TET1: variants seen among roughly 807,000 people sequenced by gnomAD.
The protein encoded by TET1 is methylcytosine dioxygenase TET1.
TET1 carries 13 observed loss-of-function variants against 148.7 expected under a neutral mutation model. The ratio of observed to expected loss-of-function variants is 0.09; its 90% confidence interval spans 0.06 to 0.14. The LOEUF is 0.14. Ranked by LOEUF, TET1 falls within the 10% of genes least tolerant of loss-of-function variation. The pLI is 1.00. For missense variants in TET1, 2,182 were observed against 2,553.8 expected, an observed-to-expected ratio of 0.85 and a Z score of 3.14; for synonymous variants, 907 against 937.2, an observed-to-expected ratio of 0.97 and a Z score of 0.59.
chr10:68,592,331 C>G (rs536502171), intron 2 of TET1, among the ~76,000 whole-genome samples: 1 of 140,302 alleles, frequency 7.1e-6, no homozygotes, highest in Admixed American at 6.8e-5. Context: ...AAAGAAAAAA[C>G]AAAAAACAAA....
At chr10:68,587,445 G>C (rs148406300) in intron 2 of TET1, among the ~76,000 whole-genome samples, 2 of 152,252 alleles carry the variant, frequency 1.3e-5, no homozygotes, top group African/African-American at 4.8e-5. Flanking sequence ...CAGAATTGCA[G>C]GGAGATTTGT....
chr10:68,638,765 T>TGTGTG, intron 3 of TET1, among the ~76,000 whole-genome samples: 1 of 140,912 alleles, frequency 7.1e-6, no homozygotes, highest in South Asian at 2.4e-4. Context: ...TGTATGGAGT[T>TGTGTG]TGTGTGTGTG....
chr10:68,632,438 A>C, intron 3 of TET1: 1 of 1,612,248 alleles, frequency 6.2e-7, no homozygotes, highest in East Asian at 2.2e-5. Context: ...GGATTTTTAG[A>C]TGTTGAAAAT....
chr10:68,602,624 A>G (rs1342199629), intron 3 of TET1, among the ~76,000 whole-genome samples: 1 of 152,204 alleles, frequency 6.6e-6, no homozygotes, highest in Non-Finnish European at 1.5e-5. Context: ...CCTGAAATAA[A>G]TGTAAAAAGT....
chr10:68,647,536 G>A (rs1392610250), intron 4 of TET1, among the ~76,000 whole-genome samples: 2 of 151,900 alleles, frequency 1.3e-5, no homozygotes, highest in Admixed American at 6.6e-5. Flanking sequence ...CCTGGGAGGT[G>A]GAGGTTACAG....
intron 3 of TET1, among the ~76,000 whole-genome samples, chr10:68,609,192 G>A (rs1341634765): frequency 4.6e-5 from 7 of 150,870 alleles, no homozygotes; most frequent in Admixed American, 1.3e-4. Context: ...ATGGAGTTTC[G>A]CTCTTGTTGC....
intron 3 of TET1, among the ~76,000 whole-genome samples, chr10:68,620,907 A>C (rs1564972509): frequency 6.6e-6 from 1 of 152,180 alleles, no homozygotes. Flanking sequence ...AATGGTATTT[A>C]ACATCTTTTC....
intron 2 of TET1, among the ~76,000 whole-genome samples, chr10:68,600,579 G>T (rs1364844553): frequency 6.6e-6 from 1 of 152,134 alleles, no homozygotes; most frequent in Non-Finnish European, 1.5e-5. Context: ...CAAAAGGCAT[G>T]CCCAGCACGT....
chr10:68,662,702 G>A (rs1011635802), intron 6 of TET1, among the ~76,000 whole-genome samples: 29 of 152,194 alleles, frequency 1.9e-4, no homozygotes, highest in Non-Finnish European at 4.1e-4. Context: ...TGGAGTTTGA[G>A]ACAAACCTGG....
At position 68,668,393 on chromosome 10, in the gene TET1, A is replaced by T. The variant is rs116008685; in HGVS notation, c.4673+1137A>T. On this transcript the variant is annotated intron_variant, in intron 7 of 11. Coordinates refer to ENST00000373644, the MANE Select transcript of TET1 (RefSeq NM_030625.3). ...TATTTTTCTCATCAACGCTGTAGCA[A>T]TATTGAGCGATATTCGGGGAACTGC... is the stretch of plus-strand genomic sequence containing the variant. 7.9e-3 allele frequency among the ~76,000 whole-genome samples: 1,200 copies of T among 152,352 alleles called. 16 individuals carry two copies. Among genetic ancestry groups the T allele is most frequent in the African/African-American group, 0.028 (1,151 of 41,578 alleles).
intron 3 of TET1, among the ~76,000 whole-genome samples, chr10:68,627,654 G>A (rs1040328374): frequency 2.6e-5 from 4 of 151,760 alleles, no homozygotes; most frequent in South Asian, 2.1e-4. Context: ...GTGGCCGGGC[G>A]CGGTGGCTCA....
chr10:68,668,248 G>C (rs554217165), intron 7 of TET1, among the ~76,000 whole-genome samples: 1 of 152,036 alleles, frequency 6.6e-6, no homozygotes, highest in Non-Finnish European at 1.5e-5. Flanking sequence ...TCCCACAAAA[G>C]GTTTTGTTTT....
intron 2 of TET1, among the ~76,000 whole-genome samples, chr10:68,589,566 A>G (rs1187270218): frequency 6.6e-6 from 1 of 151,562 alleles, no homozygotes; most frequent in Non-Finnish European, 1.5e-5. Context: ...GGCCTCCCAA[A>G]GTGCTGGGCT....
chr10:68,563,951 A>C (rs2053581074), intron 1 of TET1, among the ~76,000 whole-genome samples: 1 of 152,024 alleles, frequency 6.6e-6, no homozygotes, highest in Admixed American at 6.6e-5. Context: ...CAGAATGCTT[A>C]GATTACAGGC....
chr10:68,597,581 A>G (rs2054003088), intron 2 of TET1, among the ~76,000 whole-genome samples: 1 of 152,172 alleles, frequency 6.6e-6, no homozygotes, highest in Admixed American at 6.5e-5. Context: ...CAGAAAGTTA[A>G]ACATAGCCTT....
intron 3 of TET1, among the ~76,000 whole-genome samples, chr10:68,603,717 G>A (rs2054087432): frequency 6.6e-6 from 1 of 152,286 alleles, no homozygotes; most frequent in East Asian, 1.9e-4. Context: ...GCTGCAGTGA[G>A]CTATAATCAC....
rs1169009477 is a variant in TET1, at chr10:68,691,122, G to A, written c.5719G>A (p.Val1907Met). The change falls in exon 12 of 12, where the codon GTG becomes ATG. Residue 1907 changes from valine (V) to methionine (M), a missense_variant. By Grantham distance (21) the Val-to-Met change is conservative. Coordinates refer to ENST00000373644, the MANE Select transcript of TET1 (RefSeq NM_030625.3). This position sits in a 1 kb window ranked among gnomAD's most constrained non-coding sequence, Gnocchi z 4.4. ...DGPGISQLGE[V>M]APLPTLSAPV... The stretch of plus-strand genomic sequence containing the variant: ...CCCTGGCATTTCACAGCTTGGCGAA[G>A]TGGCTCCTCTCCCCACCCTGTCTGC... 5 of 1,614,098 alleles carry A rather than the reference G, an allele frequency of 3.1e-6. No homozygotes were observed. The highest frequency in any genetic ancestry group is 2.7e-5 in the African/African-American group (2 of 74,944).
intron 3 of TET1, among the ~76,000 whole-genome samples, chr10:68,624,660 C>CTT (rs1462948714): frequency 0.22 from 15,627 of 72,646 alleles, 1,878 homozygotes; most frequent in Non-Finnish European, 0.23. Context: ...TTCTTTCTTT[C>CTT]TCTCTCTCTC....
intron 3 of TET1, among the ~76,000 whole-genome samples, chr10:68,640,756 T>C (rs1378975678): frequency 1.3e-5 from 2 of 151,256 alleles, no homozygotes; most frequent in East Asian, 3.9e-4. Context: ...TTTCACCATG[T>C]TAGCCAGGAT....
Sources: gnomAD v4.1 joint callset for allele counts (sites outside exome capture counted in the v4.1 genomes callset) on GRCh38, gnomAD v4.1.1 for gene constraint, Gnocchi (gnomAD v3.1) non-coding constraint, MANE v1.5 for transcripts, NCBI Gene and HGNC (gene_info 2026-07-23, HGNC 2026-07-21) for gene names.